The following CNTN3 variants were observed in gnomAD, a reference collection of about 807,000 sequenced individuals.
CNTN3 encodes the protein contactin 3.
In CNTN3, 60 loss-of-function variants were observed where a neutral mutation model predicts 119.1. The ratio of observed to expected loss-of-function variants is 0.50; its 90% CI spans 0.41 to 0.62. CNTN3 has a LOEUF of 0.62. Among genes scored for constraint, CNTN3 ranks in the 20% least tolerant of loss-of-function variants. CNTN3 has a pLI of 0.00. For missense variants in CNTN3, 1,101 were observed against 1,242.4 expected, an observed-to-expected ratio of 0.89 and a Z score of 1.71; for synonymous variants, 450 against 438.7, an observed-to-expected ratio of 1.03 and a Z score of -0.32.
At chr3:74,569,477 C>A (rs1704276846) in intron 1 of CNTN3, among the ~76,000 whole-genome samples, 1 of 152,154 alleles carries the variant, frequency 6.6e-6, no homozygotes, top group Non-Finnish European at 1.5e-5. Flanking sequence ...ACTGCCCAAG[C>A]CCAGTGTCTC....
intron 19 of CNTN3, among the ~76,000 whole-genome samples, chr3:74,294,438 C>T (rs1282042702): frequency 1.3e-5 from 2 of 152,144 alleles, no homozygotes; most frequent in African/African-American, 2.4e-5. Flanking sequence ...CTCTACTCCT[C>T]TGCTTTTCTA....
At chr3:74,577,490 A>C (rs1704436761) in intron 1 of CNTN3, among the ~76,000 whole-genome samples, 1 of 152,150 alleles carries the variant, frequency 6.6e-6, no homozygotes, top group African/African-American at 2.4e-5. Flanking sequence ...CAAATAGCAT[A>C]GTTCTCTCTC....
intron 14 of CNTN3, 29 bp from the exon 15 acceptor site, chr3:74,301,834 G>A (rs752632503): frequency 3.1e-6 from 5 of 1,609,516 alleles, no homozygotes; most frequent in Non-Finnish European, 4.2e-6. Context: ...GAAACATTGA[G>A]TAGCAGTTCC....
chr3:74,325,879 T>A (rs1381007129), intron 13 of CNTN3, among the ~76,000 whole-genome samples: 1 of 152,144 alleles, frequency 6.6e-6, no homozygotes, highest in Admixed American at 6.6e-5. Flanking sequence ...ATTTCCTATC[T>A]GAGCTAATAC....
intron 1 of CNTN3, among the ~76,000 whole-genome samples, chr3:74,533,350 A>T (rs1703719253): frequency 6.6e-6 from 1 of 151,956 alleles, no homozygotes; most frequent in Non-Finnish European, 1.5e-5. Context: ...ACTCAGACAC[A>T]TTTAGGAGCA....
chr3:74,579,943 T>C (rs937749773), intron 1 of CNTN3, among the ~76,000 whole-genome samples: 2 of 152,154 alleles, frequency 1.3e-5, no homozygotes, highest in African/African-American at 4.8e-5. Context: ...TGTAAAATAC[T>C]GTTTCTTTGA....
intron 10 of CNTN3, among the ~76,000 whole-genome samples, chr3:74,364,165 T>A: frequency 6.6e-6 from 1 of 152,130 alleles, no homozygotes; most frequent in East Asian, 1.9e-4. Flanking sequence ...AAATCACTTA[T>A]TCTCCTAAAA....
chr3:74,381,352 G>C (rs1704619411), intron 5 of CNTN3, among the ~76,000 whole-genome samples: 1 of 151,928 alleles, frequency 6.6e-6, no homozygotes, highest in African/African-American at 2.4e-5. Flanking sequence ...ATTATGAAAG[G>C]ATATGCAATT....
chr3:74,577,948 T>G (rs1027020095), intron 1 of CNTN3, among the ~76,000 whole-genome samples: 1 of 152,132 alleles, frequency 6.6e-6, no homozygotes, highest in African/African-American at 2.4e-5. Context: ...GAAAGTTGCA[T>G]TTTAAATGTA....
rs9833680 is a variant in CNTN3, at chr3:74,557,149, A to G, written c.-80-35957T>C. Among the ~76,000 whole-genome samples the G allele has an allele frequency of 1.9e-3, 288 of 152,104 alleles. 1 individual carries two copies. The highest frequency in any genetic ancestry group is 6.7e-3 in the African/African-American group (278 of 41,492). On this transcript the variant is annotated intron_variant, in intron 1 of 22. Transcript: ENST00000263665. ...AGTTCCTAATTTTGATGAAAATCTGATTTTTCTCTTTTTTCTTTTGTCACT... is the reference window on the plus strand; with the variant it reads ...AGTTCCTAATTTTGATGAAAATCTGGTTTTTCTCTTTTTTCTTTTGTCACT...
At chr3:74,298,233 GCAAGGCAAAAA>G in intron 17 of CNTN3, 42 bp from the exon 18 acceptor site, 1 of 1,307,690 alleles carries the variant, frequency 7.6e-7, no homozygotes, top group Non-Finnish European at 1.0e-6. Flanking sequence ...ACACATAAGG[GCAAGGCAAAAA>G]TGAATGCAGC....
At chr3:74,467,673 C>T (rs545549945) in intron 4 of CNTN3, among the ~76,000 whole-genome samples, 2 of 152,258 alleles carry the variant, frequency 1.3e-5, no homozygotes, top group South Asian at 4.1e-4. Context: ...TAGCCTTTCA[C>T]AAGCCATTTG....
rs370522898 is a variant in CNTN3 at position 74,438,694 on chromosome 3, C to T, written c.359-13754G>A. On this transcript the variant is annotated intron_variant, in intron 4 of 22. Transcript: ENST00000263665. ...TTAATAATAGTTGTTGAATTCAACA[C>T]GAGAGTCTTAAAGCTCTTGATATTT... Among the ~76,000 whole-genome samples the T allele has an allele frequency of 9.9e-5, 15 of 152,202 alleles. No homozygotes were observed. In the East Asian group the frequency reaches 2.3e-3, roughly 23 times the overall value.
chr3:74,522,635 T>C (rs937020305), intron 1 of CNTN3, among the ~76,000 whole-genome samples: 7 of 151,728 alleles, frequency 4.6e-5, no homozygotes, highest in African/African-American at 1.7e-4. Context: ...CCAGTTCCTA[T>C]AGAACCAATG....
At chr3:74,289,100 C>T (rs546399714) in intron 19 of CNTN3, among the ~76,000 whole-genome samples, 5 of 152,230 alleles carry the variant, frequency 3.3e-5, no homozygotes, top group South Asian at 2.1e-4. Context: ...GTTAGCCACA[C>T]GACTGATAAT....
At chr3:74,398,477 A>C (rs919630976) in intron 5 of CNTN3, among the ~76,000 whole-genome samples, 1 of 152,236 alleles carries the variant, frequency 6.6e-6, no homozygotes, top group African/African-American at 2.4e-5. Flanking sequence ...TGTACATTTA[A>C]TAAGCAAACA....
chr3:74,546,364 G>GATTGTTCATTCAATGTATTGTTC (rs1703915769), intron 1 of CNTN3, among the ~76,000 whole-genome samples: 2 of 152,304 alleles, frequency 1.3e-5, no homozygotes, highest in East Asian at 3.9e-4. Context: ...TGGATTGAAT[G>GATTGTTCATTCAATGTATTGTTC]ATGCAAAGTA....
rs1559670902 is a variant in CNTN3, at chr3:74,266,541, C to T, written c.2926G>A (p.Ala976Thr). The change falls in exon 22 of 23, where the codon GCC (alanine) becomes ACC (threonine). Residue 976 changes from alanine to threonine, a missense_variant. Coordinates refer to ENST00000263665, the MANE Select transcript of CNTN3 (RefSeq NM_020872.3). ...IKEDYIIEVKATTDGGDGTSS... is the reference protein window; with the variant it reads ...IKEDYIIEVKTTTDGGDGTSS... ...GTCCCATCCCCTCCATCTGTTGTGG[C>T]CTTGACTTCAATAATGTAGTCCTCT... 10 of 1,613,600 alleles carry T rather than the reference C, an allele frequency of 6.2e-6. No homozygotes were observed. The highest frequency in any genetic ancestry group is 8.5e-6 in the Non-Finnish European group (10 of 1,179,602).
intron 4 of CNTN3, among the ~76,000 whole-genome samples, chr3:74,475,817 G>A (rs771310101): frequency 2.0e-5 from 3 of 152,118 alleles, no homozygotes; most frequent in Admixed American, 6.5e-5. Context: ...TCACAGGTAC[G>A]TGCAGAGTGG....
Sources: gnomAD v4.1 joint callset for allele counts (sites outside exome capture counted in the v4.1 genomes callset) on GRCh38, gnomAD v4.1.1 for gene constraint, MANE v1.5 for transcripts, NCBI Gene and HGNC (gene_info 2026-07-23, HGNC 2026-07-21) for gene names.